Variants in FABP12 observed in about 807,000 individuals in gnomAD.
The protein encoded by FABP12 is fatty acid binding protein 12.
A neutral mutation model predicts 13.7 loss-of-function variants in FABP12; 19 were observed. The ratio of observed to expected loss-of-function variants is 1.39; its 90% confidence interval spans 0.97 to 2.04. The LOEUF (loss-of-function observed/expected upper bound fraction) is 2.04, where lower values mean the gene tolerates loss of function less well. Ranked by LOEUF, FABP12 falls within the 30% of genes most tolerant of loss-of-function variation. The probability of loss-of-function intolerance (pLI) is 0.00; values close to 1 mark genes in which losing one functional copy is unlikely to be tolerated. For missense variants in FABP12, 182 were observed against 164.2 expected (o/e 1.11, Z -0.59); for synonymous variants, 61 against 57.0 (o/e 1.07, Z -0.32).
At chr8:81,558,015 C>A (rs1809651338) in intron 1 of FABP12, among the ~76,000 whole-genome samples, 1 of 152,200 alleles carries the variant, frequency 6.6e-6, no homozygotes, top group Non-Finnish European at 1.5e-5. Context: ...AGGAGGCCAG[C>A]TGGGGAAGAG....
intron 1 of FABP12, among the ~76,000 whole-genome samples, chr8:81,589,947 A>G (rs1173915871): frequency 5.3e-5 from 8 of 152,236 alleles, no homozygotes; most frequent in Admixed American, 2.0e-4. Flanking sequence ...GAAAAATTCC[A>G]GACAACATTG....
At chr8:81,547,137 C>G (rs936596434) in intron 1 of FABP12, among the ~76,000 whole-genome samples, 1 of 152,100 alleles carries the variant, frequency 6.6e-6, no homozygotes, top group African/African-American at 2.4e-5. Flanking sequence ...ATAAAAGTAG[C>G]CCTTCACCAG....
chr8:81,574,735 G>C (rs554357172), intron 1 of FABP12, among the ~76,000 whole-genome samples: 24 of 152,176 alleles, frequency 1.6e-4, no homozygotes, highest in African/African-American at 5.5e-4. Flanking sequence ...GTTTATGTGT[G>C]TGAAGGTGTT....
chr8:81,532,496 A>G (rs1473746818), intron 1 of FABP12, among the ~76,000 whole-genome samples: 2 of 152,202 alleles, frequency 1.3e-5, no homozygotes, highest in South Asian at 2.1e-4. Flanking sequence ...TGCATACACT[A>G]CTGATTAAAT....
At chr8:81,560,939 T>C (rs1036239582) in intron 1 of FABP12, among the ~76,000 whole-genome samples, 3 of 152,212 alleles carry the variant, frequency 2.0e-5, no homozygotes, top group Non-Finnish European at 2.9e-5. Context: ...GGTGTTACTG[T>C]GGCCTGAGGA....
At chr8:81,551,841 G>C (rs1245177883) in intron 1 of FABP12, among the ~76,000 whole-genome samples, 1 of 152,102 alleles carries the variant, frequency 6.6e-6, no homozygotes, top group Non-Finnish European at 1.5e-5. Context: ...AGGCCTAATA[G>C]TTCTGGGTGT....
At chr8:81,531,338 C>G (rs756048908) in exon 2 of FABP12, 2 of 1,555,592 alleles carry the variant, frequency 1.3e-6, no homozygotes, top group South Asian at 2.4e-5. Flanking sequence ...AAGTTGATCT[C>G]AAAGAACAGT....
chr8:81,553,195 G>A (rs1048357687), intron 1 of FABP12, among the ~76,000 whole-genome samples: 2 of 152,198 alleles, frequency 1.3e-5, no homozygotes, highest in Admixed American at 1.3e-4. Context: ...TACCTATTTT[G>A]CACCTTCTTC....
intron 1 of FABP12, among the ~76,000 whole-genome samples, chr8:81,541,906 G>C (rs1809351474): frequency 8.1e-6 from 1 of 122,808 alleles, no homozygotes; most frequent in African/African-American, 3.4e-5. Context: ...GGAGTCCCAG[G>C]GTTTAAAAAA....
intron 2 of FABP12, 103 bp from the exon 3 acceptor site, chr8:81,529,713 A>G: frequency 9.6e-7 from 1 of 1,041,052 alleles, no homozygotes; most frequent in Non-Finnish European, 1.4e-6. Context: ...CAAAAACTCA[A>G]CATTATCTGT....
chr8:81,525,448 G>A (rs1223449152), intron 4 of FABP12, among the ~76,000 whole-genome samples: 2 of 151,586 alleles, frequency 1.3e-5, no homozygotes, highest in Non-Finnish European at 2.9e-5. Flanking sequence ...CCTGGGAGGT[G>A]GATGTTGCAG....
chr8:81,558,546 T>C (rs925734134), intron 1 of FABP12, among the ~76,000 whole-genome samples: 1 of 152,106 alleles, frequency 6.6e-6, no homozygotes, highest in Admixed American at 6.5e-5. Context: ...GCAAAACCCA[T>C]GTGCCCTCAG....
At chr8:81,542,445 C>A (rs916381367) in intron 1 of FABP12, among the ~76,000 whole-genome samples, 1 of 152,150 alleles carries the variant, frequency 6.6e-6, no homozygotes, top group South Asian at 2.1e-4. Context: ...AACAGGAAGA[C>A]CAGCAGTCAA....
At chr8:81,534,672 G>A (rs1361824237), upstream of FABP12, among the ~76,000 whole-genome samples, 5 of 152,192 alleles carry the variant, frequency 3.3e-5, no homozygotes, top group Non-Finnish European at 7.3e-5. Flanking sequence ...TATGTAACAG[G>A]TGGCTCATGC....
chr8:81,557,990 C>CGGTGA (rs1809651128), intron 1 of FABP12, among the ~76,000 whole-genome samples: 1 of 152,140 alleles, frequency 6.6e-6, no homozygotes, highest in Non-Finnish European at 1.5e-5. Context: ...CATGGGCACT[C>CGGTGA]GGTGAGGGAG....
At chr8:81,529,811 G>A (rs1809015713) in intron 2 of FABP12, among the ~76,000 whole-genome samples, 1 of 152,088 alleles carries the variant, frequency 6.6e-6, no homozygotes, top group Non-Finnish European at 1.5e-5. Flanking sequence ...GCTCCACCAT[G>A]ACATGTTAAA....
intron 1 of FABP12, among the ~76,000 whole-genome samples, chr8:81,580,454 C>A (rs1216519885): frequency 2.6e-5 from 4 of 152,000 alleles, no homozygotes; most frequent in Admixed American, 6.6e-5. Flanking sequence ...AAATAAAACT[C>A]TTCTATTAAT....
At chr8:81,529,124 A>G (rs1248910510) in intron 3 of FABP12, among the ~76,000 whole-genome samples, 1 of 152,186 alleles carries the variant, frequency 6.6e-6, no homozygotes, top group Non-Finnish European at 1.5e-5. Context: ...TACAAAATGG[A>G]TAGGGAAAAC....
chr8:81,548,734 T>C (rs1809477409), intron 1 of FABP12, among the ~76,000 whole-genome samples: 1 of 152,052 alleles, frequency 6.6e-6, no homozygotes, highest in South Asian at 2.1e-4. Flanking sequence ...TTTTGGCAGA[T>C]AAGAAAGTGG....
Sources: allele counts gnomAD v4.1 joint callset (sites outside exome capture counted in the v4.1 genomes callset), GRCh38; gene constraint gnomAD v4.1.1; transcripts MANE v1.5; gene names NCBI Gene and HGNC (gene_info 2026-07-23, HGNC 2026-07-21).